Variants in MACROD2 observed in about 807,000 individuals in gnomAD.
The protein encoded by MACROD2 is ADP-ribose glycohydrolase MACROD2.
Under a neutral mutation model 70.4 loss-of-function variants are expected in MACROD2, and 36 were observed. The ratio of observed to expected loss-of-function variants is 0.51; its 90% confidence interval spans 0.39 to 0.68. MACROD2 has a LOEUF of 0.68. MACROD2 is among the 30% of genes least tolerant of loss of function. The pLI is 0.00. For synonymous variants in MACROD2, 172 were observed against 178.8 expected (o/e 0.96, Z 0.30); for missense variants, 496 against 538.4 (o/e 0.92, Z 0.78).
At chr20:14,727,816 C>G (rs973678951) in intron 5 of MACROD2, among the ~76,000 whole-genome samples, 7 of 152,164 alleles carry the variant, frequency 4.6e-5, no homozygotes, top group African/African-American at 1.4e-4. Context: ...CTTTCCAACT[C>G]TTTTCCCATA....
intron 4 of MACROD2, among the ~76,000 whole-genome samples, chr20:14,525,602 C>A (rs1404217536): frequency 2.0e-5 from 3 of 152,218 alleles, no homozygotes; most frequent in Non-Finnish European, 4.4e-5. Flanking sequence ...TTTTACAATG[C>A]CATGTGGCCA....
chr20:15,340,692 G>A (rs963525711), intron 6 of MACROD2, among the ~76,000 whole-genome samples: 1 of 151,930 alleles, frequency 6.6e-6, no homozygotes, highest in Admixed American at 6.6e-5. Context: ...CCCTTCCGAT[G>A]CAGTGCCTTT....
intron 3 of MACROD2, chr20:14,352,200 G>T (rs1306213648): frequency 6.6e-6 from 1 of 152,086 alleles, no homozygotes; most frequent in Non-Finnish European, 1.5e-5. Context: ...TGTTTTTGGT[G>T]TGTCTAACTT....
At chr20:14,565,235 T>C (rs532952740) in intron 4 of MACROD2, among the ~76,000 whole-genome samples, 20 of 151,932 alleles carry the variant, frequency 1.3e-4, no homozygotes, top group African/African-American at 4.6e-4. Context: ...TACTACCTAT[T>C]GGGTACAATG....
At chr20:14,228,602 A>C (rs914263047) in intron 3 of MACROD2, among the ~76,000 whole-genome samples, 1 of 152,198 alleles carries the variant, frequency 6.6e-6, no homozygotes, top group East Asian at 1.9e-4. Context: ...TTAGATTTTT[A>C]CTTAATGGAA....
At chr20:14,032,659 T>C (rs1188719215) in intron 2 of MACROD2, among the ~76,000 whole-genome samples, 1 of 152,164 alleles carries the variant, frequency 6.6e-6, no homozygotes, top group Admixed American at 6.5e-5. Flanking sequence ...ATGTTAACAG[T>C]ATTTTTAAGT....
At chr20:14,830,969 C>A (rs903732707) in intron 5 of MACROD2, among the ~76,000 whole-genome samples, 1 of 152,062 alleles carries the variant, frequency 6.6e-6, no homozygotes, top group Admixed American at 6.6e-5. Flanking sequence ...TAGTTCAAAT[C>A]GTTTTCTCTT....
chr20:15,115,488 C>T lies in MACROD2; in HGVS notation c.419-114452C>T, dbSNP rs143544124. Reference sequence around the variant, plus strand: ...ATCCTCCCAACTCAGCCTCCCAAAACACTGTGATTACAGGTATTAGCCACT... The same window carrying T: ...ATCCTCCCAACTCAGCCTCCCAAAATACTGTGATTACAGGTATTAGCCACT... On this transcript the variant is annotated intron_variant, in intron 5 of 17. Transcript: ENST00000684519. 6.6e-5 allele frequency among the ~76,000 whole-genome samples: 10 copies of T among 152,186 alleles called. No homozygotes were observed. The East Asian group carries it at 1.9e-3, about 29-fold the overall frequency.
chr20:14,727,493 C>T (rs2071543920), intron 5 of MACROD2, among the ~76,000 whole-genome samples: 1 of 151,846 alleles, frequency 6.6e-6, no homozygotes, highest in Non-Finnish European at 1.5e-5. Context: ...CATGATTACT[C>T]CATGACATTC....
chr20:15,708,523 AG>A (rs1022950600), intron 8 of MACROD2, among the ~76,000 whole-genome samples: 1 of 152,130 alleles, frequency 6.6e-6, no homozygotes, highest in African/African-American at 2.4e-5. Context: ...AAACAGAGCA[AG>A]TGAGGAGAAG....
At chr20:15,361,351 C>T (rs966046417) in intron 6 of MACROD2, among the ~76,000 whole-genome samples, 1 of 152,132 alleles carries the variant, frequency 6.6e-6, no homozygotes, top group Non-Finnish European at 1.5e-5. Flanking sequence ...TGCTTTTGTA[C>T]TTCTGTCAAG....
intron 7 of MACROD2, among the ~76,000 whole-genome samples, chr20:15,476,208 C>A (rs2047020366): frequency 6.6e-6 from 1 of 152,092 alleles, no homozygotes; most frequent in Non-Finnish European, 1.5e-5. Context: ...ATTTTGTATA[C>A]CTTTAGAATA....
intron 3 of MACROD2, among the ~76,000 whole-genome samples, chr20:14,303,215 A>T (rs1300495230): frequency 6.6e-6 from 1 of 152,086 alleles, no homozygotes; most frequent in Non-Finnish European, 1.5e-5. Flanking sequence ...GCATTTTTTC[A>T]ATGAAACTGA....
intron 5 of MACROD2, among the ~76,000 whole-genome samples, chr20:14,901,017 T>C (rs1021630383): frequency 2.0e-5 from 3 of 152,086 alleles, no homozygotes; most frequent in Non-Finnish European, 2.9e-5. Flanking sequence ...TGAGTAGATA[T>C]ACTGCAAGAA....
At chr20:15,144,790 T>C (rs2076218543) in intron 5 of MACROD2, among the ~76,000 whole-genome samples, 1 of 152,208 alleles carries the variant, frequency 6.6e-6, no homozygotes, top group African/African-American at 2.4e-5. Flanking sequence ...ACCCCTGGAA[T>C]CTGCCAGCAC....
At position 14,255,683 on chromosome 20, in the gene MACROD2, T is replaced by TAATTAATAAATA. The variant is rs369859240; in HGVS notation, c.271+169958_271+169959insTAATAAATAAAT. Among the ~76,000 whole-genome samples, 186 of 136,936 alleles carry TAATTAATAAATA rather than the reference T, an allele frequency of 1.4e-3. 1 individual carries two copies. The highest frequency in any genetic ancestry group is 4.5e-3 in the African/African-American group (172 of 38,562). The allele number at this position is 136,936 out of a possible 152,430, so 89.8% of individuals were successfully genotyped here. A position where few individuals can be genotyped will look rare whatever the true frequency, so the allele number is the denominator to read the frequency against. On this transcript the variant is annotated intron_variant, in intron 3 of 17. Coordinates refer to ENST00000684519, the MANE Select transcript of MACROD2 (RefSeq NM_001351661.2). The stretch of plus-strand genomic sequence containing the variant: ...ACATGTACCCTAATACTTAAAAGTA[T>TAATTAATAAATA]AATAAATAAATAAATAAATAAATAA...
At chr20:14,587,442 G>T (rs182869292) in intron 4 of MACROD2, among the ~76,000 whole-genome samples, 1 of 151,630 alleles carries the variant, frequency 6.6e-6, no homozygotes, top group African/African-American at 2.4e-5. Context: ...TTATATAGCA[G>T]CATATCACTA....
chr20:14,705,331 T>C (rs1424522113), intron 5 of MACROD2, among the ~76,000 whole-genome samples: 4 of 152,192 alleles, frequency 2.6e-5, no homozygotes, highest in South Asian at 2.1e-4. Context: ...AGGAACTCTT[T>C]TTTTAATTTC....
chr20:15,724,145 A>G (rs1180054507), intron 8 of MACROD2, among the ~76,000 whole-genome samples: 2 of 152,158 alleles, frequency 1.3e-5, no homozygotes, highest in African/African-American at 4.8e-5. Flanking sequence ...TTGAGTTTCA[A>G]GAGTTCTGTG....
Sources: allele counts gnomAD v4.1 joint callset (sites outside exome capture counted in the v4.1 genomes callset), GRCh38; gene constraint gnomAD v4.1.1; transcripts MANE v1.5; gene names NCBI Gene and HGNC (gene_info 2026-07-23, HGNC 2026-07-21).